PRRC2A: variants seen among roughly 807,000 people sequenced by gnomAD.
PRRC2A encodes proline rich coiled-coil 2A, also known as protein PRRC2A.
In PRRC2A, 59 loss-of-function variants were observed where a neutral mutation model predicts 224.6. That is an observed-to-expected ratio of 0.26 (90% CI 0.21 to 0.33). PRRC2A has a LOEUF of 0.33. Among genes scored for constraint, PRRC2A ranks in the 10% least tolerant of loss-of-function variants. The probability of loss-of-function intolerance (pLI) is 1.00; values close to 1 mark genes in which losing one functional copy is unlikely to be tolerated. For missense variants in PRRC2A, 3,095 were observed against 2,880.7 expected (o/e 1.07, Z -1.70); for synonymous variants, 1,194 against 1,109.5 (o/e 1.08, Z -1.51).
chr6:31,623,694 T>A, intron 2 of PRRC2A, 38 bp from the exon 3 acceptor site: 1 of 1,606,164 alleles, frequency 6.2e-7, no homozygotes. Flanking sequence ...ATCTCCCACA[T>A]GAGGCATTTT....
rs1561817293 is a variant in PRRC2A at position 31,630,699 on chromosome 6, A to G, written c.2363A>G (p.Lys788Arg). 2.5e-6 allele frequency: 4 copies of G among 1,613,996 alleles called. No homozygotes were observed. Among genetic ancestry groups the G allele is most frequent in the Non-Finnish European group, 3.4e-6 (4 of 1,180,026 alleles). The change falls in exon 15 of 31, where the codon AAG becomes AGG. Residue 788 changes from lysine to arginine, a missense_variant. By Grantham distance (26) the Lys-to-Arg change is conservative. This residue lies in a region of PRRC2A where 2,001 missense variants were observed against 1,764.9 expected (regional missense o/e 1.13). Coordinates refer to ENST00000376033, the MANE Select transcript of PRRC2A (RefSeq NM_004638.4). ...CGGGGCACTCCACCGGTGGATCCAA[A>G]GTTGGCCTGGGTAGGAGATGTCTTC... ...RERGTPPVDP[K>R]LAWVGDVFTA...
At position 31,631,896 on chromosome 6, in the gene PRRC2A, C is replaced by T. The variant is rs116812250; in HGVS notation, c.3223C>T (p.His1075Tyr). The change falls in exon 16 of 31, where the codon CAC (histidine) becomes TAC (tyrosine). Residue 1075 changes from histidine to tyrosine, a missense_variant. Coordinates refer to ENST00000376033, the MANE Select transcript of PRRC2A (RefSeq NM_004638.4). This position sits in a 1 kb window ranked among gnomAD's most constrained non-coding sequence, Gnocchi z 4.5. The stretch of plus-strand genomic sequence containing the variant: ...TGGAGGTGGGACAGGGGGACCAAAC[C>T]ACCCTCCTGCTCCCCGAGGCCGCAC... ...GRGGGTGGPN[H>Y]PPAPRGRTAS... 7 of 1,611,612 alleles carry T rather than the reference C, an allele frequency of 4.3e-6. No homozygotes were observed. Among genetic ancestry groups the T allele is most frequent in the African/African-American group, 1.3e-5 (1 of 75,034 alleles).
At chr6:31,621,226 C>A (rs938142591) in intron 1 of PRRC2A, among the ~76,000 whole-genome samples, 15 of 152,050 alleles carry the variant, frequency 9.9e-5, no homozygotes, top group African/African-American at 3.6e-4. Flanking sequence ...GGGCCGCGCC[C>A]GACGGTTCTC....
Position 31,625,506 on chromosome 6 carries a change from G to A in PRRC2A, c.654G>A (p.Leu218=), listed in dbSNP as rs758486902. 6 of 1,583,880 alleles carry A rather than the reference G, an allele frequency of 3.8e-6. No homozygotes were observed. The African/African-American group carries it at 6.7e-5, about 18-fold the overall frequency. The change falls in exon 7 of 31, where the codon CTG becomes CTA. Residue 218 remains leucine, a synonymous_variant. Transcript: ENST00000376033. This position sits in a 1 kb window ranked among gnomAD's most constrained non-coding sequence, Gnocchi z 4.1. ...GAGGTGGGCGTGGCCCTGATGAGCT[G>A]GAGGGCCCGGACTCCAAACTTCATC... ...RDGGGRGPDE[L]EGPDSKLHHG...
chr6:31,635,491 A>T, intron 23 of PRRC2A, 26 bp downstream of exon 23: 1 of 1,613,270 alleles, frequency 6.2e-7, no homozygotes, highest in African/African-American at 1.3e-5. Context: ...AGTTTGGTGG[A>T]AAGGCCCAAG....
rs942273619 is a variant in PRRC2A at position 31,631,642 on chromosome 6, A to G, written c.2969A>G (p.Lys990Arg). ...GACCCACTCAAGATAACCAAGGGGA[A>G]GCTAGGGGGCCCCAAGGAGACCCCA... ...KPDPLKITKG[K>R]LGGPKETPPN... Residue 990 changes from lysine (K) to arginine (R), a missense_variant, in exon 16 of 31, where the codon AAG becomes AGG. Physicochemically the swap from Lys to Arg is conservative, Grantham distance 26 (BLOSUM62 2). Around this residue, in one of 8 missense-constraint regions of PRRC2A, gnomAD observed 2,001 missense variants for 1,764.9 expected, o/e 1.13. Transcript: ENST00000376033. The surrounding 1 kb of genome is among the most constrained non-coding windows in gnomAD (Gnocchi z 4.5). 2 of 1,518,102 alleles carry G rather than the reference A, an allele frequency of 1.3e-6. No individual in the cohort carries two copies. The highest frequency in any genetic ancestry group is 2.8e-5 in the African/African-American group (2 of 71,518). 94.0% of individuals were successfully genotyped at this position (1,518,102 alleles called of 1,614,324 possible).
At position 31,624,473 on chromosome 6, in the gene PRRC2A, G is replaced by A. The variant is rs766772787; in HGVS notation, c.414G>A (p.Gly138=). Residue 138 remains glycine, a synonymous_variant, in exon 5 of 31, where the codon GGG becomes GGA. Transcript: ENST00000376033. ...APENTPLVPS[G]VKSWAQASVT... Reference sequence around the variant, plus strand: ...AGAACACTCCTTTGGTTCCAAGCGGGGTAAAGTCCTGGGCACAAGCCAGCG... The same window carrying A: ...AGAACACTCCTTTGGTTCCAAGCGGAGTAAAGTCCTGGGCACAAGCCAGCG... 21 of 1,613,796 alleles carry A rather than the reference G, an allele frequency of 1.3e-5. No homozygotes were observed. The highest frequency in any genetic ancestry group is 1.7e-5 in the Non-Finnish European group (20 of 1,179,776).
rs1402237961 is a variant in PRRC2A, at chr6:31,630,573, T to C, written c.2255-18T>C. 6.2e-7 allele frequency: 1 copy of C among 1,613,250 alleles called. No homozygotes were observed. Among genetic ancestry groups the C allele is most frequent in the East Asian group, 2.2e-5 (1 of 44,856 alleles). ...TGACATGAATAGGATTATTTTTCTT[T>C]TTCTTTGGTTTCTTCAGGCCTAGTT... On this transcript the variant is annotated intron_variant, in intron 14 of 30. Transcript: ENST00000376033.
At chr6:31,622,928 A>C in intron 2 of PRRC2A, 27 bp downstream of exon 2, 3 of 1,582,920 alleles carry the variant, frequency 1.9e-6, no homozygotes. Context: ...GATGCTTCTG[A>C]TGGTTGAAAG....
In PRRC2A at chr6:31,631,146, A is replaced by G; in HGVS notation, c.2473A>G (p.Thr825Ala). The change falls in exon 16 of 31, where the codon ACT (threonine) becomes GCT (alanine). Residue 825 changes from threonine to alanine, a missense_variant. This residue lies in a region of PRRC2A where 2,001 missense variants were observed against 1,764.9 expected (regional missense o/e 1.13). Transcript: ENST00000376033. This position sits in a 1 kb window ranked among gnomAD's most constrained non-coding sequence, Gnocchi z 4.5. ...TTCTGTCTGTCTCTTCAGGAGCGAG[A>G]CTCCTCCAGTACCTCCCCCACCACC... ...DEDDKGMRSETPPVPPPPPYL... is the reference protein window; with the variant it reads ...DEDDKGMRSEAPPVPPPPPYL... 6.6e-7 allele frequency: 1 copy of G among 1,508,248 alleles called. No individual in the cohort carries two copies. The highest frequency in any genetic ancestry group is 1.3e-5 in the South Asian group (1 of 77,122). 93.4% of individuals were successfully genotyped at this position (1,508,248 alleles called of 1,614,324 possible).
At chr6:31,622,180 C>T (rs1350613814) in intron 1 of PRRC2A, among the ~76,000 whole-genome samples, 2 of 152,192 alleles carry the variant, frequency 1.3e-5, no homozygotes, top group African/African-American at 2.4e-5. Flanking sequence ...TCCTTAAACT[C>T]CCAGCATACC....
intron 12 of PRRC2A, chr6:31,628,836 G>A (rs1205097204): frequency 8.3e-6 from 3 of 361,398 alleles, no homozygotes. Flanking sequence ...GCAAGACTCT[G>A]TCTCAAAAAA....
chr6:31,624,124 A>G, intron 3 of PRRC2A, 137 bp from the exon 4 acceptor site: 1 of 1,118,052 alleles, frequency 8.9e-7, no homozygotes, highest in Non-Finnish European at 1.3e-6. Flanking sequence ...AACAGCCTAC[A>G]AAGGATGACA....
chr6:31,627,320 G>A lies in PRRC2A; in HGVS notation c.1290+122G>A. 1 of 713,982 alleles carries A rather than the reference G, an allele frequency of 1.4e-6. No homozygotes were observed. The highest frequency in any genetic ancestry group is 4.0e-4 in the Middle Eastern group (1 of 2,484). The allele number at this position is 713,982 out of a possible 1,614,324, so 44.2% of individuals were successfully genotyped here. A position where few individuals can be genotyped will look rare whatever the true frequency, so the allele number is the denominator to read the frequency against. On this transcript the variant is annotated intron_variant, in intron 11 of 30. Coordinates refer to ENST00000376033, the MANE Select transcript of PRRC2A (RefSeq NM_004638.4). This position sits in a 1 kb window ranked among gnomAD's most constrained non-coding sequence, Gnocchi z 5.6. ...TAAAAATGGGCTGTGTGAAGTGCCA[G>A]GCTGCAGAACATCCTGGGAAGCTTT...
chr6:31,625,862 A>C lies in PRRC2A; in HGVS notation c.830A>C (p.Asp277Ala). The C allele has an allele frequency of 6.3e-7, 1 of 1,587,048 alleles. No individual in the cohort carries two copies. Residue 277 changes from aspartate (D) to alanine (A), a missense_variant, in exon 8 of 31, where the codon GAT becomes GCT. Around this residue, in one of 8 missense-constraint regions of PRRC2A, gnomAD observed 287 missense variants for 275.3 expected, o/e 1.04. Transcript: ENST00000376033. The surrounding 1 kb of genome is among the most constrained non-coding windows in gnomAD (Gnocchi z 4.1). ...GGGCCTTACCGATACCCCACTCCTG[A>C]TGGGCCCAGGTGAGCAATCCAGGTC... Reference protein sequence around the residue: ...PQGPYRYPTPDGPSRFPRVAG... With the variant: ...PQGPYRYPTPAGPSRFPRVAG...
At chr6:31,621,894 C>T (rs1196260389) in intron 1 of PRRC2A, among the ~76,000 whole-genome samples, 2 of 152,176 alleles carry the variant, frequency 1.3e-5, no homozygotes, top group African/African-American at 4.8e-5. Flanking sequence ...GATAGGAAAA[C>T]GAAGATGGCT....
Position 31,636,250 on chromosome 6 carries a change from C to T in PRRC2A, c.5666C>T (p.Ser1889Leu). The T allele has an allele frequency of 3.1e-6, 5 of 1,612,970 alleles. No individual in the cohort carries two copies. Among genetic ancestry groups the T allele is most frequent in the Non-Finnish European group, 4.2e-6 (5 of 1,179,948 alleles). Residue 1889 changes from serine to leucine, a missense_variant, in exon 26 of 31, where the codon TCA becomes TTA. Ser to Leu is a moderately radical substitution (Grantham distance 145). This residue lies in a region of PRRC2A where 662 missense variants were observed against 609.5 expected (regional missense o/e 1.09). Coordinates refer to ENST00000376033, the MANE Select transcript of PRRC2A (RefSeq NM_004638.4). The surrounding 1 kb of genome is among the most constrained non-coding windows in gnomAD (Gnocchi z 4.3). Reference protein sequence around the residue: ...LYLPPGPAPPSALLSGLALKG... With the variant: ...LYLPPGPAPPLALLSGLALKG... Reference sequence around the variant, plus strand: ...CTACCCCCCGGCCCAGCCCCTCCCTCAGCACTGCTCTCTGGGTTAGCTCTC... The same window carrying T: ...CTACCCCCCGGCCCAGCCCCTCCCTTAGCACTGCTCTCTGGGTTAGCTCTC...
chr6:31,632,347 G>T lies in PRRC2A; in HGVS notation c.3674G>T (p.Gly1225Val), dbSNP rs1776727094. 1 of 1,613,444 alleles carries T rather than the reference G, an allele frequency of 6.2e-7. No homozygotes were observed. ...PGPLSPVARG[G>V]SNGGSNVGME... Reference sequence around the variant, plus strand: ...CCTCTGTCCCCTGTGGCGCGCGGAGGCAGCAATGGAGGTAGCAATGTGGGC... The same window carrying T: ...CCTCTGTCCCCTGTGGCGCGCGGAGTCAGCAATGGAGGTAGCAATGTGGGC... Residue 1225 changes from glycine (G) to valine (V), a missense_variant, in exon 16 of 31, where the codon GGC becomes GTC. By Grantham distance (109) the Gly-to-Val change is moderately radical. Coordinates refer to ENST00000376033, the MANE Select transcript of PRRC2A (RefSeq NM_004638.4).
In PRRC2A at chr6:31,622,739, T is replaced by G; in HGVS notation, c.-51T>G. The stretch of plus-strand genomic sequence containing the variant: ...GTCTGGCCCACAGGCTCTGGCACGT[T>G]TTGGGGGAGGTGCCTGCAGGACCCA... On this transcript the variant is annotated 5_prime_UTR_variant, in exon 2 of 31. Transcript: ENST00000376033. 1.4e-6 allele frequency: 2 copies of G among 1,414,780 alleles called. No individual in the cohort carries two copies. Among genetic ancestry groups the G allele is most frequent in the Non-Finnish European group, 2.0e-6 (2 of 1,004,440 alleles). 87.6% of individuals were successfully genotyped at this position (1,414,780 alleles called of 1,614,324 possible). A position where few individuals can be genotyped will look rare whatever the true frequency, so the allele number is the denominator to read the frequency against.
Sources: gnomAD v4.1 joint callset for allele counts (sites outside exome capture counted in the v4.1 genomes callset) on GRCh38, gnomAD v4.1.1 for gene constraint, gnomAD v4.1.1 regional missense constraint, Gnocchi (gnomAD v3.1) non-coding constraint, MANE v1.5 for transcripts, NCBI Gene and HGNC (gene_info 2026-07-23, HGNC 2026-07-21) for gene names.